Variants in BMP5 observed in about 807,000 individuals in gnomAD.
BMP5 encodes bone morphogenetic protein 5.
In BMP5, 23 loss-of-function variants were observed where a neutral mutation model predicts 46.6. The ratio of observed to expected loss-of-function variants is 0.49; its 90% CI spans 0.35 to 0.70. The LOEUF is 0.70. BMP5 is among the 30% of genes least tolerant of loss of function. The pLI is 0.00. For synonymous variants in BMP5, 204 were observed against 191.9 expected, an observed-to-expected ratio of 1.06 and a Z score of -0.52; for missense variants, 545 against 565.6, an observed-to-expected ratio of 0.96 and a Z score of 0.37.
At chr6:55,776,300 T>C (rs1775170389) in intron 3 of BMP5, among the ~76,000 whole-genome samples, 1 of 151,946 alleles carries the variant, frequency 6.6e-6, no homozygotes, top group African/African-American at 2.4e-5. Context: ...GGCAGCCCTT[T>C]CACTGTAAAA....
chr6:55,806,419 T>C (rs914931753), intron 2 of BMP5, among the ~76,000 whole-genome samples: 2 of 152,238 alleles, frequency 1.3e-5, no homozygotes, highest in South Asian at 2.1e-4. Context: ...TTCTTTTTCA[T>C]TGGTCTATCT....
At chr6:55,841,618 G>A (rs1466482092) in intron 1 of BMP5, among the ~76,000 whole-genome samples, 1 of 151,540 alleles carries the variant, frequency 6.6e-6, no homozygotes, top group Non-Finnish European at 1.5e-5. Context: ...TTGTTTGTTT[G>A]TTTGTTTGTA....
chr6:55,767,386 A>G (rs543648583), intron 4 of BMP5, among the ~76,000 whole-genome samples: 5 of 152,022 alleles, frequency 3.3e-5, no homozygotes, highest in Admixed American at 6.6e-5. Context: ...ATTTTAAATT[A>G]GTTATATATA....
intron 1 of BMP5, among the ~76,000 whole-genome samples, chr6:55,855,757 T>C (rs1777378621): frequency 6.6e-6 from 1 of 152,218 alleles, no homozygotes; most frequent in Non-Finnish European, 1.5e-5. Flanking sequence ...CATACAGTTC[T>C]TTGGCTGCTA....
intron 4 of BMP5, among the ~76,000 whole-genome samples, chr6:55,765,543 C>T (rs1249938870): frequency 6.6e-6 from 1 of 152,076 alleles, no homozygotes; most frequent in Non-Finnish European, 1.5e-5. Context: ...AGGAATGGTG[C>T]TACCATAATG....
chr6:55,824,901 C>G (rs966997978), intron 1 of BMP5, among the ~76,000 whole-genome samples: 1 of 151,698 alleles, frequency 6.6e-6, no homozygotes, highest in African/African-American at 2.4e-5. Flanking sequence ...ATGACACACA[C>G]GTTTTGAAGA....
chr6:55,870,731 T>G (rs1159061926), intron 1 of BMP5, among the ~76,000 whole-genome samples: 1 of 152,150 alleles, frequency 6.6e-6, no homozygotes, highest in African/African-American at 2.4e-5. Context: ...CATTTTTTCC[T>G]TCCAGTACCA....
At chr6:55,786,726 A>G (rs1337442364) in intron 3 of BMP5, among the ~76,000 whole-genome samples, 3 of 151,806 alleles carry the variant, frequency 2.0e-5, no homozygotes, top group East Asian at 3.9e-4. Context: ...AGAGCAAATC[A>G]TAAGTGTATA....
chr6:55,780,810 G>T (rs1459279939), intron 3 of BMP5, among the ~76,000 whole-genome samples: 1 of 152,050 alleles, frequency 6.6e-6, no homozygotes, highest in Non-Finnish European at 1.5e-5. Flanking sequence ...GGACAGAGAA[G>T]CTGAGAACTG....
At chr6:55,767,530 T>C (rs139184225) in intron 4 of BMP5, among the ~76,000 whole-genome samples, 58 of 151,972 alleles carry the variant, frequency 3.8e-4, no homozygotes, top group African/African-American at 1.3e-3. Flanking sequence ...AACTAGTAAG[T>C]AGTGAAGTCA....
intron 1 of BMP5, among the ~76,000 whole-genome samples, chr6:55,863,116 A>G (rs755516313): frequency 2.6e-5 from 4 of 152,156 alleles, no homozygotes; most frequent in Admixed American, 1.3e-4. Flanking sequence ...TAATCAGCTT[A>G]TATTTGTTAA....
chr6:55,757,696 G>A (rs1049740610), intron 6 of BMP5, among the ~76,000 whole-genome samples: 1 of 151,784 alleles, frequency 6.6e-6, no homozygotes, highest in Non-Finnish European at 1.5e-5. Flanking sequence ...ACTAAAGTAG[G>A]CATTCTCACT....
In BMP5 at chr6:55,820,993, G is replaced by A. The variant is rs1776398513; in HGVS notation, c.491-1146C>T. 2.0e-5 allele frequency among the ~76,000 whole-genome samples: 3 copies of A among 152,074 alleles called. No homozygotes were observed. The East Asian group carries it at 5.8e-4, about 29-fold the overall frequency. On this transcript the variant is annotated intron_variant, in intron 1 of 6. Transcript: ENST00000370830. ...GTGTAAGATAGTGTATTGTACAAGT[G>A]GTATTAATTGATTCACAAAGCTCAA...
intron 1 of BMP5, among the ~76,000 whole-genome samples, chr6:55,852,142 A>T (rs1328849357): frequency 2.0e-5 from 3 of 152,160 alleles, no homozygotes; most frequent in Non-Finnish European, 4.4e-5. Context: ...TGCTATATAC[A>T]ATTTGTTCTA....
intron 1 of BMP5, among the ~76,000 whole-genome samples, chr6:55,840,924 T>C (rs925543855): frequency 1.3e-5 from 2 of 151,466 alleles, no homozygotes; most frequent in Admixed American, 1.3e-4. Context: ...AGACGGGTAC[T>C]GGTTGGTGGC....
At chr6:55,850,261 T>C (rs992553734) in intron 1 of BMP5, among the ~76,000 whole-genome samples, 2 of 152,114 alleles carry the variant, frequency 1.3e-5, no homozygotes, top group Non-Finnish European at 2.9e-5. Context: ...ATAAATCGCT[T>C]AGACATGCCT....
intron 3 of BMP5, among the ~76,000 whole-genome samples, chr6:55,791,163 C>T (rs528733894): frequency 1.4e-5 from 2 of 147,084 alleles, no homozygotes; most frequent in South Asian, 4.3e-4. Flanking sequence ...ACATTGAGAA[C>T]ACAAGCAGTG....
chr6:55,807,749 T>C (rs145334844), intron 2 of BMP5, among the ~76,000 whole-genome samples: 17 of 152,268 alleles, frequency 1.1e-4, no homozygotes, highest in African/African-American at 4.1e-4. Context: ...CTGTTATTGG[T>C]CTATTCAAGG....
intron 2 of BMP5, among the ~76,000 whole-genome samples, chr6:55,810,992 A>G (rs145356067): frequency 6.6e-6 from 1 of 152,294 alleles, no homozygotes; most frequent in East Asian, 1.9e-4. Context: ...CCAGGTAAGA[A>G]CCTCTAAAAT....
Sources: gnomAD v4.1 joint callset for allele counts (sites outside exome capture counted in the v4.1 genomes callset) on GRCh38, gnomAD v4.1.1 for gene constraint, MANE v1.5 for transcripts, NCBI Gene and HGNC (gene_info 2026-07-23, HGNC 2026-07-21) for gene names.